FRAS1: variants seen among roughly 807,000 people sequenced by gnomAD.
FRAS1 encodes Fraser extracellular matrix complex subunit 1, also known as extracellular matrix organizing protein FRAS1.
Under a neutral mutation model 435.2 loss-of-function variants are expected in FRAS1, and 290 were observed. That is an observed-to-expected ratio of 0.67 (90% CI 0.61 to 0.73). The LOEUF (loss-of-function observed/expected upper bound fraction) is 0.73. FRAS1 is among the 30% of genes least tolerant of loss of function. The probability of loss-of-function intolerance (pLI) is 0.00; values close to 1 mark genes in which losing one functional copy is unlikely to be tolerated. For missense variants in FRAS1, 4,860 were observed against 5,001.5 expected (o/e 0.97, Z 0.85); for synonymous variants, 1,800 against 1,851.0 (o/e 0.97, Z 0.71).
chr4:78,366,392 C>G (rs1024318094), intron 22 of FRAS1, among the ~76,000 whole-genome samples: 1 of 152,168 alleles, frequency 6.6e-6, no homozygotes, highest in African/African-American at 2.4e-5. Context: ...TGCTGGGGAG[C>G]TAGAGTAGTT....
chr4:78,385,799 C>T (rs1027051017), intron 28 of FRAS1, among the ~76,000 whole-genome samples: 2 of 151,512 alleles, frequency 1.3e-5, no homozygotes, highest in South Asian at 2.1e-4. Context: ...GCAGGAGACT[C>T]GCTTGAACCC....
chr4:78,179,924 CTT>C (rs1491311272), intron 2 of FRAS1, among the ~76,000 whole-genome samples: 11 of 152,124 alleles, frequency 7.2e-5, no homozygotes, highest in African/African-American at 2.4e-4. Context: ...AACAAACACT[CTT>C]ATATATATGA....
At chr4:78,243,099 G>A (rs1344879188) in intron 3 of FRAS1, among the ~76,000 whole-genome samples, 3 of 152,094 alleles carry the variant, frequency 2.0e-5, no homozygotes, top group African/African-American at 4.8e-5. Context: ...AAAGGAGCAC[G>A]GCATTACGTG....
chr4:78,063,670 T>C (rs1358035094), intron 1 of FRAS1, among the ~76,000 whole-genome samples: 3 of 152,190 alleles, frequency 2.0e-5, no homozygotes, highest in African/African-American at 4.8e-5. Context: ...GAGTTTATCA[T>C]GGCTATCTAA....
At chr4:78,441,355 G>C in intron 41 of FRAS1, 58 bp downstream of exon 41, 4 of 1,495,730 alleles carry the variant, frequency 2.7e-6, no homozygotes, top group Non-Finnish European at 3.6e-6. Context: ...AGAGGGAGGA[G>C]GACCTTGCTT....
intron 2 of FRAS1, among the ~76,000 whole-genome samples, chr4:78,143,353 A>G (rs867246490): frequency 6.6e-6 from 1 of 152,174 alleles, no homozygotes; most frequent in Non-Finnish European, 1.5e-5. Flanking sequence ...AAGTAACAGA[A>G]CTACAAGGAG....
chr4:78,254,940 C>T (rs10010118), intron 5 of FRAS1, among the ~76,000 whole-genome samples: 92,585 of 151,936 alleles, frequency 0.61, 28,404 homozygotes, highest in Middle Eastern at 0.7. Flanking sequence ...GGCACCAGCC[C>T]CCACGAGGGT....
Position 78,260,478 on chromosome 4 carries a change from G to A in FRAS1, c.604-4547G>A, listed in dbSNP as rs553817241. ...CTCTTTGAAGCAATTGTGAACGGGA[G>A]TTCACTCATGATTTGGCTCTCTGTT... On this transcript the variant is annotated intron_variant, in intron 6 of 73. Coordinates refer to ENST00000512123, the MANE Select transcript of FRAS1 (RefSeq NM_025074.7). Among the ~76,000 whole-genome samples the A allele has an allele frequency of 4.6e-5, 7 of 152,166 alleles. No individual in the cohort carries two copies. The South Asian group carries it at 1.4e-3, about 32-fold the overall frequency.
At chr4:78,300,472 A>G (rs1728333115) in intron 14 of FRAS1, among the ~76,000 whole-genome samples, 1 of 152,104 alleles carries the variant, frequency 6.6e-6, no homozygotes, top group South Asian at 2.1e-4. Flanking sequence ...CAGATGATAA[A>G]TAAGGAAACT....
At chr4:78,116,579 A>G (rs573128193) in intron 2 of FRAS1, among the ~76,000 whole-genome samples, 189 of 152,304 alleles carry the variant, frequency 1.2e-3, no homozygotes, top group African/African-American at 4.3e-3. Flanking sequence ...CTTTACCATT[A>G]CGTAATGGCC....
Position 78,363,910 on chromosome 4 carries a change from T to C in FRAS1, c.2578T>C (p.Cys860Arg). 1.2e-6 allele frequency: 2 copies of C among 1,608,896 alleles called. No individual in the cohort carries two copies. Among genetic ancestry groups the C allele is most frequent in the Non-Finnish European group, 1.7e-6 (2 of 1,177,632 alleles). ...YYAERGACKK[C>R]HSSCRTCQGR... ...TTGTGTCTCTTTTTCCTCTGCAGAA[T>C]GCCACTCCTCCTGCAGAACCTGCCA... The change falls in exon 22 of 74, where the codon TGC (cysteine) becomes CGC (arginine). Residue 860 changes from cysteine (C) to arginine (R), a missense_variant and splice_region_variant. Coordinates refer to ENST00000512123, the MANE Select transcript of FRAS1 (RefSeq NM_025074.7).
rs7682296 is a variant in FRAS1, at chr4:78,265,103, T to C, written c.682T>C (p.Tyr228His). 7,682 of 1,611,226 alleles carry C rather than the reference T, an allele frequency of 4.8e-3. 312 individuals carry two copies. The African/African-American group carries it at 0.089, about 19-fold the overall frequency. ...ATCCTGCTCTGCAGCTGGCCAAGTA[T>C]ACGAGGTAAGCTTTCATGCTCCCCA... Reference protein sequence around the residue: ...ARSCSAAGQVYEHGEQWSENA... With the variant: ...ARSCSAAGQVHEHGEQWSENA... The change falls in exon 7 of 74, where the codon TAC becomes CAC. Residue 228 changes from tyrosine (Y) to histidine (H), a missense_variant. By Grantham distance (83) the Tyr-to-His change is moderately conservative. Coordinates refer to ENST00000512123, the MANE Select transcript of FRAS1 (RefSeq NM_025074.7).
chr4:78,381,794 G>C (rs1007010269), intron 27 of FRAS1, among the ~76,000 whole-genome samples: 2 of 152,138 alleles, frequency 1.3e-5, no homozygotes, highest in Admixed American at 1.3e-4. Flanking sequence ...ATGGGACAAA[G>C]AATGGCAGTT....
At chr4:78,385,297 C>T (rs1459557882) in intron 28 of FRAS1, among the ~76,000 whole-genome samples, 3 of 152,088 alleles carry the variant, frequency 2.0e-5, no homozygotes, top group Non-Finnish European at 4.4e-5. Flanking sequence ...TCCTGGGGAA[C>T]CAAGACTAGC....
intron 20 of FRAS1, among the ~76,000 whole-genome samples, chr4:78,354,018 T>TAAAAAAAAA (rs1730744898): frequency 1.3e-4 from 1 of 7,576 alleles, no homozygotes. Context: ...AAAAAAAAAA[T>TAAAAAAAAA]AAAATAAAAA....
chr4:78,313,938 A>G (rs1729133561), intron 15 of FRAS1, among the ~76,000 whole-genome samples: 1 of 152,158 alleles, frequency 6.6e-6, no homozygotes. Context: ...CTGGTTCCTA[A>G]GTATAGTGAA....
intron 2 of FRAS1, among the ~76,000 whole-genome samples, chr4:78,083,741 A>G (rs961947574): frequency 3.4e-5 from 5 of 147,956 alleles, no homozygotes; most frequent in African/African-American, 1.3e-4. Context: ...AGGTGTTGTC[A>G]GTTTGAGACT....
chr4:78,483,767 A>ATAT lies in FRAS1; in HGVS notation c.8752+1232_8752+1233insTAT, dbSNP rs1553964999. Among the ~76,000 whole-genome samples, 3 of 110,338 alleles carry ATAT rather than the reference A, an allele frequency of 2.7e-5. 1 individual carries two copies. The highest frequency in any genetic ancestry group is 9.7e-5 in the African/African-American group (3 of 30,908). 72.4% of individuals were successfully genotyped at this position (110,338 alleles called of 152,430 possible). A position where few individuals can be genotyped will look rare whatever the true frequency, so the allele number is the denominator to read the frequency against. On this transcript the variant is annotated intron_variant, in intron 58 of 73. Transcript: ENST00000512123. ...GTTTATCCTTCAGGAGAAAAAAAAAACTCTCTCTCTCTCTCTATATATATA... is the reference window on the plus strand; with the variant it reads ...GTTTATCCTTCAGGAGAAAAAAAAAATATCTCTCTCTCTCTCTCTATATATATA...
At chr4:78,510,160 GTATC>G (rs1720986860) in intron 63 of FRAS1, among the ~76,000 whole-genome samples, 1 of 152,196 alleles carries the variant, frequency 6.6e-6, no homozygotes, top group African/African-American at 2.4e-5. Flanking sequence ...TGTTTCTTAA[GTATC>G]TATTTCTGTC....
Sources: gnomAD v4.1 joint callset for allele counts (sites outside exome capture counted in the v4.1 genomes callset) on GRCh38, gnomAD v4.1.1 for gene constraint, MANE v1.5 for transcripts, NCBI Gene and HGNC (gene_info 2026-07-23, HGNC 2026-07-21) for gene names.